EBF4: variants seen among roughly 807,000 people sequenced by gnomAD.
The protein encoded by EBF4 is transcription factor COE4.
In EBF4, 34 loss-of-function variants were observed where a neutral mutation model predicts 67.1. That is an observed-to-expected ratio of 0.51 (90% CI 0.39 to 0.67). The LOEUF is 0.67. Among genes scored for constraint, EBF4 ranks in the 30% least tolerant of loss-of-function variants. The pLI is 0.00. For synonymous variants in EBF4, 387 were observed against 377.7 expected (o/e 1.02, Z -0.29); for missense variants, 837 against 873.3 (o/e 0.96, Z 0.52).
rs762750559 is a variant in EBF4, at chr20:2,739,273, C to A, written c.558-9276C>A. ...CCAGGCCCCAAGCCACGCTGCCCTC[C>A]TCAGTCTTGTCAGGCACCACTGATC... On this transcript the variant is annotated intron_variant, in intron 6 of 16. Transcript: ENST00000609451. The surrounding 1 kb of genome is among the most constrained non-coding windows in gnomAD (Gnocchi z 4.5). 2.0e-5 allele frequency among the ~76,000 whole-genome samples: 3 copies of A among 152,066 alleles called. No homozygotes were observed. Among genetic ancestry groups the A allele is most frequent in the Non-Finnish European group, 4.4e-5 (3 of 67,988 alleles).
chr20:2,722,522 G>C (rs1246929101), intron 6 of EBF4, among the ~76,000 whole-genome samples: 1 of 152,184 alleles, frequency 6.6e-6, no homozygotes, highest in African/African-American at 2.4e-5. Flanking sequence ...TTTGTATGCA[G>C]CTGTCTCCTC....
At position 2,759,010 on chromosome 20, in the gene EBF4, C is replaced by T. The variant is rs1185263153; in HGVS notation, c.*5+26C>T. 11 of 1,544,594 alleles carry T rather than the reference C, an allele frequency of 7.1e-6. No homozygotes were observed. The Admixed American group carries it at 1.8e-4, about 25-fold the overall frequency. The stretch of plus-strand genomic sequence containing the variant: ...GTAGGTCTCTGGCTGGGTCTGGCCT[C>T]CCCCGCCCCACCTGGCCCTGAGATG... On this transcript the variant is annotated intron_variant, in intron 16 of 16. Transcript: ENST00000609451.
rs558234104 is a variant in EBF4 at position 2,738,974 on chromosome 20, T to C, written c.558-9575T>C. 1.3e-4 allele frequency among the ~76,000 whole-genome samples: 20 copies of C among 152,276 alleles called. No homozygotes were observed. The South Asian group carries it at 4.1e-3, about 32-fold the overall frequency. ...AGCCCATCTGCACTGCAGCCACCTC[T>C]ACCCGGGTGGGGATCATGGTGGGGA... On this transcript the variant is annotated intron_variant, in intron 6 of 16. Transcript: ENST00000609451.
intron 6 of EBF4, among the ~76,000 whole-genome samples, chr20:2,717,889 C>T (rs1168623106): frequency 6.6e-6 from 1 of 151,664 alleles, no homozygotes; most frequent in Non-Finnish European, 1.5e-5. Flanking sequence ...CAGCTTACTG[C>T]AACCTCTGCC....
rs200409816 is a variant in EBF4, at chr20:2,709,635, A to G, written c.550A>G (p.Ile184Val). The stretch of plus-strand genomic sequence containing the variant: ...TGAGACGCCCTCAGACCCCGTCATC[A>G]TTGACAGGTACAGGCTCAGGGAGGG... The change falls in exon 6 of 17, where the codon ATT (isoleucine) becomes GTT (valine). Residue 184 changes from isoleucine to valine, a missense_variant. Coordinates refer to ENST00000609451, the Ensembl canonical transcript of EBF4. 246 of 1,552,802 alleles carry G rather than the reference A, an allele frequency of 1.6e-4. No homozygotes were observed. Among genetic ancestry groups the G allele is most frequent in the Non-Finnish European group, 2.1e-4 (238 of 1,147,646 alleles).
intron 14 of EBF4, 147 bp downstream of exon 14, chr20:2,752,692 C>T: frequency 1.5e-6 from 1 of 654,998 alleles, no homozygotes; most frequent in Non-Finnish European, 2.2e-6. Flanking sequence ...CCCACCGTCC[C>T]CGCCTGGGAC....
chr20:2,746,685 GAACATTC>G (rs2088055066), intron 6 of EBF4, among the ~76,000 whole-genome samples: 1 of 152,214 alleles, frequency 6.6e-6, no homozygotes, highest in Non-Finnish European at 1.5e-5. Context: ...TGAATTAAAT[GAACATTC>G]AAATTTGGGG....
intron 8 of EBF4, 23 bp downstream of exon 8, chr20:2,749,541 C>A (rs537155819): frequency 1.3e-6 from 2 of 1,539,772 alleles, no homozygotes; most frequent in African/African-American, 1.4e-5. Context: ...GGCCCAGCCC[C>A]GGCCGCCGCG....
chr20:2,733,343 C>G (rs1316195672), intron 6 of EBF4, among the ~76,000 whole-genome samples: 2 of 151,984 alleles, frequency 1.3e-5, no homozygotes, highest in Non-Finnish European at 2.9e-5. Flanking sequence ...CTTTCTTTTT[C>G]TTTGGCTTTC....
At chr20:2,730,862 C>T (rs2087804545) in intron 6 of EBF4, among the ~76,000 whole-genome samples, 1 of 152,034 alleles carries the variant, frequency 6.6e-6, no homozygotes, top group Admixed American at 6.5e-5. Context: ...AATCATAAAG[C>T]CCATCTCATT....
chr20:2,703,974 C>T (rs2087414486), intron 1 of EBF4, among the ~76,000 whole-genome samples: 1 of 152,168 alleles, frequency 6.6e-6, no homozygotes, highest in South Asian at 2.1e-4. Context: ...CAGTTATTCT[C>T]CCTGTGGACC....
chr20:2,706,339 C>T (rs758553996), intron 4 of EBF4, 75 bp downstream of exon 4: 17 of 1,497,878 alleles, frequency 1.1e-5, no homozygotes, highest in Non-Finnish European at 1.5e-5. Flanking sequence ...TCTGAGTGAG[C>T]CTCCTTGTTC....
At chr20:2,752,586 G>A (rs2088173213) in intron 14 of EBF4, 41 bp downstream of exon 14, 10 of 1,224,156 alleles carry the variant, frequency 8.2e-6, no homozygotes, top group South Asian at 8.0e-5. Context: ...TGGGGCCGGG[G>A]AGCGGAACGG....
rs2088239189 is a variant in EBF4 at position 2,756,076 on chromosome 20, G to A, written c.1738+252G>A. On this transcript the variant is annotated intron_variant, in intron 15 of 16. Transcript: ENST00000609451. This position sits in a 1 kb window ranked among gnomAD's most constrained non-coding sequence, Gnocchi z 4.5. ...GTTGACCACTTGGCCAAGGGGAAGA[G>A]ACTCAAATCACAGTTGATGAGGTCT... Among the ~76,000 whole-genome samples the A allele has an allele frequency of 6.6e-6, 1 of 152,188 alleles. No individual in the cohort carries two copies. The highest frequency in any genetic ancestry group is 2.4e-5 in the African/African-American group (1 of 41,438).
Position 2,751,713 on chromosome 20 carries a change from C to T in EBF4, c.1032C>T (p.Pro344=), listed in dbSNP as rs575938475. ...CCCCTTCCCCAGCTCTGAACGAGCC[C>T]ACCATTGACTACGGATTCCAGAGGC... The change falls in exon 11 of 17, where the codon CCC becomes CCT. Residue 344 remains proline (P), a synonymous_variant. Coordinates refer to ENST00000609451, the Ensembl canonical transcript of EBF4. This position sits in a 1 kb window ranked among gnomAD's most constrained non-coding sequence, Gnocchi z 5.2. The T allele has an allele frequency of 1.0e-4, 162 of 1,550,866 alleles. 1 individual carries two copies. The African/African-American group carries it at 1.9e-3, about 18-fold the overall frequency.
chr20:2,734,475 C>T (rs959871912), intron 6 of EBF4, among the ~76,000 whole-genome samples: 3 of 152,118 alleles, frequency 2.0e-5, no homozygotes, highest in Non-Finnish European at 4.4e-5. Flanking sequence ...AGGGATAGTT[C>T]CTGTTGGCTG....
rs925813060 is a variant in EBF4, at chr20:2,730,884, A to G, written c.558-17665A>G. ...AAGCCCATCTCATTTCCCTCCTACC[A>G]GCCTTGCTGGGTTTTTTGTTTGTTT... is the stretch of plus-strand genomic sequence containing the variant. On this transcript the variant is annotated intron_variant, in intron 6 of 16. Coordinates refer to ENST00000609451, the Ensembl canonical transcript of EBF4. Among the ~76,000 whole-genome samples the G allele has an allele frequency of 2.6e-5, 4 of 152,122 alleles. No individual in the cohort carries two copies. In the East Asian group the frequency reaches 7.8e-4, roughly 29 times the overall value.
At chr20:2,749,861 C>A in exon 10 of EBF4, 1 of 1,550,414 alleles carries the variant, frequency 6.4e-7, no homozygotes, top group Non-Finnish European at 8.7e-7. Flanking sequence ...TCACGCCCCA[C>A]GCCATCCGGG....
At chr20:2,729,342 G>A (rs769326100) in intron 6 of EBF4, among the ~76,000 whole-genome samples, 73 of 152,212 alleles carry the variant, frequency 4.8e-4, no homozygotes, top group South Asian at 1.5e-3. Flanking sequence ...AACAGCATCC[G>A]GTTCTTAAAG....
Sources: gnomAD v4.1 joint callset for allele counts (sites outside exome capture counted in the v4.1 genomes callset) on GRCh38, gnomAD v4.1.1 for gene constraint, Gnocchi (gnomAD v3.1) non-coding constraint, MANE v1.5 for transcripts, NCBI Gene and HGNC (gene_info 2026-07-23, HGNC 2026-07-21) for gene names.